CD84: variants seen among roughly 807,000 people sequenced by gnomAD.
CD84 encodes SLAM family member 5.
CD84 carries 22 observed loss-of-function variants against 33.8 expected under a neutral mutation model. The ratio of observed to expected loss-of-function variants is 0.65; its 90% CI spans 0.46 to 0.93. CD84 has a LOEUF of 0.93. Ranked by LOEUF, CD84 falls within the 40% of genes least tolerant of loss-of-function variation. CD84 has a pLI of 0.00. For synonymous variants in CD84, 154 were observed against 145.2 expected (o/e 1.06, Z -0.44); for missense variants, 400 against 397.6 (o/e 1.01, Z -0.05).
rs1326936582 is a variant in CD84 at position 160,548,262 on chromosome 1, C to T, written c.981G>A (p.Val327=). ...GAGAATTCAGCCCAGCAGCCTAGAT[C>T]ACAATTTCATAGCTTGAAGTCCCAG... ...KPPGTSSYEI[V]I The change falls in exon 7 of 7, where the codon GTG becomes GTA. Residue 327 remains valine, a synonymous_variant. Transcript: ENST00000368054. 6.2e-7 allele frequency: 1 copy of T among 1,614,152 alleles called. No individual in the cohort carries two copies. Among genetic ancestry groups the T allele is most frequent in the South Asian group, 1.1e-5 (1 of 91,084 alleles).
rs544670300 is a variant in CD84, at chr1:160,575,288, A to G, written c.46+4104T>C. On this transcript the variant is annotated intron_variant, in intron 1 of 6. Transcript: ENST00000368054. Reference sequence around the variant, plus strand: ...CCATTATAACTGCTCACACTGAGTGAAGGGACATAGAGGGGAAGAGGAAGC... The same window carrying G: ...CCATTATAACTGCTCACACTGAGTGGAGGGACATAGAGGGGAAGAGGAAGC... Among the ~76,000 whole-genome samples, 22 of 152,182 alleles carry G rather than the reference A, an allele frequency of 1.4e-4. No homozygotes were observed. The South Asian group carries it at 4.2e-3, about 29-fold the overall frequency.
chr1:160,554,271 TTAAA>T (rs1369329303), intron 2 of CD84, 125 bp from the exon 3 acceptor site: 12 of 976,948 alleles, frequency 1.2e-5, no homozygotes, highest in African/African-American at 3.4e-5. Flanking sequence ...AAAAACATAA[TTAAA>T]TAAATTATGT....
rs1024954411 is a variant in CD84, at chr1:160,542,266, T to C, written c.*5990A>G. 1 of 152,248 alleles carries C rather than the reference T, an allele frequency of 6.6e-6. No individual in the cohort carries two copies. The highest frequency in any genetic ancestry group is 1.9e-4 in the East Asian group (1 of 5,204). The allele number at this position is 152,248 out of a possible 1,614,324, so 9.4% of individuals were successfully genotyped here. On this transcript the variant is annotated 3_prime_UTR_variant, in exon 7 of 7. Coordinates refer to ENST00000368054, the MANE Select transcript of CD84 (RefSeq NM_003874.4). ...CAGAAGGCAGATGAGATTTAATGTT[T>C]CTTATGGACTTTAAATGAGTAAATG...
Position 160,557,820 on chromosome 1 carries a change from A to T in CD84, c.389-3674T>A, listed in dbSNP as rs1656702050. Among the ~76,000 whole-genome samples, 4 of 152,172 alleles carry T rather than the reference A, an allele frequency of 2.6e-5. No homozygotes were observed. In the South Asian group the frequency reaches 8.3e-4, roughly 32 times the overall value. ...GTAGCTTCAGCCATTCCAGCCTACCAGCTTTGGAGAGTTCAAATGATCTGG... is the reference window on the plus strand; with the variant it reads ...GTAGCTTCAGCCATTCCAGCCTACCTGCTTTGGAGAGTTCAAATGATCTGG... On this transcript the variant is annotated intron_variant, in intron 2 of 6. Coordinates refer to ENST00000368054, the MANE Select transcript of CD84 (RefSeq NM_003874.4).
chr1:160,548,388 A>T, intron 6 of CD84, 67 bp from the exon 7 acceptor site: 1 of 1,556,316 alleles, frequency 6.4e-7, no homozygotes, highest in East Asian at 2.2e-5. Flanking sequence ...CAGTCCTGCA[A>T]GTTCCCAGAG....
chr1:160,564,777 C>T (rs2102178054), intron 2 of CD84, among the ~76,000 whole-genome samples: 1 of 152,214 alleles, frequency 6.6e-6, no homozygotes, highest in East Asian at 1.9e-4. Context: ...GGAGATGTGG[C>T]TATAAAGGGA....
At chr1:160,555,447 A>T (rs1280765817) in intron 2 of CD84, among the ~76,000 whole-genome samples, 2 of 152,104 alleles carry the variant, frequency 1.3e-5, no homozygotes, top group South Asian at 4.1e-4. Context: ...TTTATTTTTT[A>T]AAAACTATCC....
intron 4 of CD84, among the ~76,000 whole-genome samples, chr1:160,552,477 T>C (rs773459528): frequency 3.9e-5 from 6 of 152,246 alleles, no homozygotes; most frequent in Non-Finnish European, 8.8e-5. Flanking sequence ...TCTAATTCCA[T>C]TTAATCTACT....
chr1:160,579,252 T>A (rs1389930733), intron 1 of CD84, 140 bp downstream of exon 1: 1 of 1,087,340 alleles, frequency 9.2e-7, no homozygotes. Context: ...GCCAGTTGGA[T>A]CCTGTTGAGT....
chr1:160,549,539 C>T (rs148358181), intron 6 of CD84, among the ~76,000 whole-genome samples: 172 of 152,290 alleles, frequency 1.1e-3, no homozygotes, highest in African/African-American at 4.0e-3. Context: ...CCATTGCACC[C>T]ATCTGGGCAT....
intron 6 of CD84, 96 bp from the exon 7 acceptor site, chr1:160,548,417 G>T (rs78790378): frequency 3.2e-6 from 4 of 1,251,458 alleles, no homozygotes; most frequent in Non-Finnish European, 4.6e-6. Context: ...CAAATGGCAC[G>T]GGGGAATGCC....
rs775871892 is a variant in CD84, at chr1:160,553,447, C to A, written c.691G>T (p.Ala231Ser). ...THHTGLLSVL[A>S]MFFLLVLILS... ...ATGAGAACAAGCAGAAAGAACATAGCCAGCACGCTCAGCAACCCGGTGTGG... is the reference window on the plus strand; with the variant it reads ...ATGAGAACAAGCAGAAAGAACATAGACAGCACGCTCAGCAACCCGGTGTGG... The change falls in exon 4 of 7, where the codon GCT (alanine) becomes TCT (serine). Residue 231 changes from alanine to serine, a missense_variant. Transcript: ENST00000368054. 7 of 1,613,956 alleles carry A rather than the reference C, an allele frequency of 4.3e-6. No homozygotes were observed. In the Admixed American group the frequency reaches 5.0e-5, roughly 12 times the overall value.
chr1:160,569,740 T>C (rs1657574523), intron 1 of CD84, among the ~76,000 whole-genome samples: 1 of 152,150 alleles, frequency 6.6e-6, no homozygotes, highest in African/African-American at 2.4e-5. Context: ...AGAATTCTAC[T>C]TGATGGAAAG....
intron 2 of CD84, among the ~76,000 whole-genome samples, chr1:160,559,941 C>T (rs975131048): frequency 2.0e-5 from 3 of 151,952 alleles, no homozygotes; most frequent in Admixed American, 6.6e-5. Flanking sequence ...TAGGATAGTG[C>T]TAACTATCCT....
At position 160,575,300 on chromosome 1, in the gene CD84, G is replaced by T. The variant is rs114733578; in HGVS notation, c.46+4092C>A. Among the ~76,000 whole-genome samples, 725 of 152,208 alleles carry T rather than the reference G, an allele frequency of 4.8e-3. 4 individuals carry two copies. Among genetic ancestry groups the T allele is most frequent in the African/African-American group, 0.016 (684 of 41,530 alleles). On this transcript the variant is annotated intron_variant, in intron 1 of 6. Coordinates refer to ENST00000368054, the MANE Select transcript of CD84 (RefSeq NM_003874.4). ...CTCACACTGAGTGAAGGGACATAGA[G>T]GGGAAGAGGAAGCACAGGGCTGGGC...
intron 2 of CD84, among the ~76,000 whole-genome samples, chr1:160,563,491 C>G (rs1657123663): frequency 6.6e-6 from 1 of 152,132 alleles, no homozygotes; most frequent in African/African-American, 2.4e-5. Context: ...CAAACTAATG[C>G]AGGAACAGAA....
At chr1:160,574,507 A>G (rs1657881636) in intron 1 of CD84, among the ~76,000 whole-genome samples, 1 of 152,204 alleles carries the variant, frequency 6.6e-6, no homozygotes, top group South Asian at 2.1e-4. Context: ...TAAAAGAAAT[A>G]AAACAGAGCT....
intron 5 of CD84, 107 bp downstream of exon 5, chr1:160,550,831 T>G: frequency 6.4e-7 from 1 of 1,569,922 alleles, no homozygotes; most frequent in East Asian, 2.3e-5. Context: ...TCTGGACTCT[T>G]GGCCGTGGCT....
chr1:160,575,844 C>T (rs1446243611), intron 1 of CD84, among the ~76,000 whole-genome samples: 1 of 152,170 alleles, frequency 6.6e-6, no homozygotes, highest in East Asian at 1.9e-4. Context: ...CCTTGTTGGC[C>T]TCCATATTGA....
Sources: gnomAD v4.1 joint callset for allele counts (sites outside exome capture counted in the v4.1 genomes callset) on GRCh38, gnomAD v4.1.1 for gene constraint, MANE v1.5 for transcripts, NCBI Gene and HGNC (gene_info 2026-07-23, HGNC 2026-07-21) for gene names.